CTNNA3: variants seen among roughly 807,000 people sequenced by gnomAD.
CTNNA3 encodes catenin alpha-3.
A neutral mutation model predicts 95.7 loss-of-function variants in CTNNA3; 76 were observed. The ratio of observed to expected loss-of-function variants is 0.79; its 90% CI spans 0.66 to 0.96. CTNNA3 has a LOEUF of 0.96. Among genes scored for constraint, CTNNA3 ranks in the 40% least tolerant of loss-of-function variants. The probability of loss-of-function intolerance (pLI) is 0.00; values close to 1 mark genes in which losing one functional copy is unlikely to be tolerated. For missense variants in CTNNA3, 1,191 were observed against 1,089.8 expected (o/e 1.09, Z -1.31); for synonymous variants, 431 against 374.4 (o/e 1.15, Z -1.74).
chr10:66,603,493 T>C (rs1844006494), intron 10 of CTNNA3, among the ~76,000 whole-genome samples: 1 of 152,162 alleles, frequency 6.6e-6, no homozygotes, highest in African/African-American at 2.4e-5. Flanking sequence ...GAATTAATAT[T>C]GTCAAAATGT....
At chr10:67,460,172 A>C (rs1307465092) in intron 5 of CTNNA3, among the ~76,000 whole-genome samples, 1 of 152,176 alleles carries the variant, frequency 6.6e-6, no homozygotes. Context: ...AGATAGGCAA[A>C]GAATGAAGAA....
chr10:66,287,755 T>C (rs758660552), intron 12 of CTNNA3, among the ~76,000 whole-genome samples: 15 of 152,116 alleles, frequency 9.9e-5, no homozygotes, highest in Non-Finnish European at 2.2e-4. Flanking sequence ...ATCAGTTAAG[T>C]GAATGATGGC....
intron 13 of CTNNA3, among the ~76,000 whole-genome samples, chr10:66,113,909 C>A (rs1298914589): frequency 6.6e-6 from 1 of 151,982 alleles, no homozygotes; most frequent in Non-Finnish European, 1.5e-5. Context: ...GTGGCAATAC[C>A]ATTACTCTTC....
At chr10:66,188,765 C>A (rs139100891) in intron 13 of CTNNA3, among the ~76,000 whole-genome samples, 9 of 152,000 alleles carry the variant, frequency 5.9e-5, no homozygotes, top group African/African-American at 2.2e-4. Flanking sequence ...ATTGCTCGGT[C>A]ATATTGTAGT....
At chr10:66,692,258 A>G (rs557275351) in intron 9 of CTNNA3, among the ~76,000 whole-genome samples, 11 of 152,312 alleles carry the variant, frequency 7.2e-5, no homozygotes, top group Non-Finnish European at 1.3e-4. Context: ...CAATAAAGAG[A>G]AGTGCTTAAA....
At chr10:66,902,075 T>C (rs1241273431) in intron 7 of CTNNA3, among the ~76,000 whole-genome samples, 1 of 152,160 alleles carries the variant, frequency 6.6e-6, no homozygotes, top group Non-Finnish European at 1.5e-5. Flanking sequence ...CAACACAATA[T>C]ACATTCTTCT....
chr10:66,665,479 T>A (rs949220668), intron 9 of CTNNA3, among the ~76,000 whole-genome samples: 20 of 152,224 alleles, frequency 1.3e-4, no homozygotes, highest in Admixed American at 5.2e-4. Context: ...TTTATCTCTG[T>A]CTTTGTATTC....
intron 11 of CTNNA3, among the ~76,000 whole-genome samples, chr10:66,409,557 T>C (rs749284908): frequency 2.0e-5 from 3 of 152,300 alleles, no homozygotes; most frequent in East Asian, 1.9e-4. Flanking sequence ...ATGACATCTA[T>C]TATCAAGTCT....
intron 10 of CTNNA3, among the ~76,000 whole-genome samples, chr10:66,597,545 TATATATA>T (rs1564558030): frequency 2.1e-4 from 27 of 130,420 alleles, no homozygotes; most frequent in East Asian, 1.6e-3. Context: ...TATATATATA[TATATATA>T]TATTTATTAA....
rs569379489 is a variant in CTNNA3, at chr10:67,486,355, C to T, written c.579+35487G>A. ...ACTATATGGGTTCATGACCCTCCAC[C>T]CTTCACCTAGTACTCAATTCCAATA... is the stretch of plus-strand genomic sequence containing the variant. On this transcript the variant is annotated intron_variant, in intron 5 of 17. Transcript: ENST00000433211. Among the ~76,000 whole-genome samples, 4 of 144,152 alleles carry T rather than the reference C, an allele frequency of 2.8e-5. No homozygotes were observed. In the East Asian group the frequency reaches 1.8e-3, roughly 65 times the overall value. 94.6% of individuals were successfully genotyped at this position (144,152 alleles called of 152,430 possible).
At chr10:66,152,877 C>A (rs978582161) in intron 13 of CTNNA3, among the ~76,000 whole-genome samples, 3 of 151,842 alleles carry the variant, frequency 2.0e-5, no homozygotes, top group African/African-American at 7.3e-5. Context: ...TTCAGTAAGT[C>A]ATCGTTCAGT....
intron 10 of CTNNA3, among the ~76,000 whole-genome samples, chr10:66,538,500 T>C (rs1023637919): frequency 2.6e-5 from 4 of 152,154 alleles, no homozygotes; most frequent in African/African-American, 9.7e-5. Flanking sequence ...AATTTAAAAA[T>C]AGAGCAGCGT....
At chr10:65,992,334 T>C (rs1044690214) in intron 15 of CTNNA3, among the ~76,000 whole-genome samples, 1 of 152,104 alleles carries the variant, frequency 6.6e-6, no homozygotes, top group African/African-American at 2.4e-5. Flanking sequence ...TTAGTTATTC[T>C]TTGTAAGTTT....
At chr10:66,453,966 A>G (rs1365041799) in intron 11 of CTNNA3, among the ~76,000 whole-genome samples, 1 of 152,200 alleles carries the variant, frequency 6.6e-6, no homozygotes. Flanking sequence ...CTAAGGACCT[A>G]AAGATAGGGA....
chr10:66,793,480 T>A (rs1246703190), intron 7 of CTNNA3, among the ~76,000 whole-genome samples: 1 of 150,426 alleles, frequency 6.6e-6, no homozygotes, highest in Admixed American at 6.6e-5. Context: ...CTTCCAATAT[T>A]TTTTTTTTGC....
intron 12 of CTNNA3, among the ~76,000 whole-genome samples, chr10:66,299,234 G>A (rs1435244272): frequency 6.6e-6 from 1 of 152,056 alleles, no homozygotes; most frequent in Non-Finnish European, 1.5e-5. Flanking sequence ...CATGTCATTA[G>A]GACCTCCTGA....
rs566567808 is a variant in CTNNA3, at chr10:66,566,799, T to C, written c.1375-46026A>G. On this transcript the variant is annotated intron_variant, in intron 10 of 17. Coordinates refer to ENST00000433211, the MANE Select transcript of CTNNA3 (RefSeq NM_013266.4). ...TCCCAAGCTGAGATTTGAAATAAAC[T>C]GCTAGAAGTTGTCACTGAATGTGGA... Among the ~76,000 whole-genome samples, 360 of 152,016 alleles carry C rather than the reference T, an allele frequency of 2.4e-3. 3 individuals carry two copies. The highest frequency in any genetic ancestry group is 8.0e-3 in the African/African-American group (331 of 41,468).
intron 7 of CTNNA3, among the ~76,000 whole-genome samples, chr10:66,797,037 A>T (rs1259575867): frequency 6.6e-6 from 1 of 151,828 alleles, no homozygotes; most frequent in Non-Finnish European, 1.5e-5. Flanking sequence ...CTATTAACAC[A>T]ATTTCAAGAA....
chr10:67,395,798 C>T (rs1260395743), intron 5 of CTNNA3, among the ~76,000 whole-genome samples: 1 of 152,032 alleles, frequency 6.6e-6, no homozygotes, highest in African/African-American at 2.4e-5. Flanking sequence ...AATTTAATCC[C>T]CCAACAACCT....
Sources: allele counts gnomAD v4.1 joint callset (sites outside exome capture counted in the v4.1 genomes callset), GRCh38; gene constraint gnomAD v4.1.1; transcripts MANE v1.5; gene names NCBI Gene and HGNC (gene_info 2026-07-23, HGNC 2026-07-21).